MAP3K7CL: variants seen among roughly 807,000 people sequenced by gnomAD.
MAP3K7CL encodes the protein MAP3K7 C-terminal-like protein.
MAP3K7CL carries 16 observed loss-of-function variants against 18.6 expected under a neutral mutation model. The ratio of observed to expected loss-of-function variants is 0.86; its 90% confidence interval spans 0.58 to 1.31. The LOEUF (loss-of-function observed/expected upper bound fraction) is 1.31. Ranked by LOEUF, MAP3K7CL falls within the 50% of genes most tolerant of loss-of-function variation. The pLI, the probability that MAP3K7CL is intolerant of heterozygous loss-of-function variation, is 0.00. For missense variants in MAP3K7CL, 163 were observed against 174.4 expected (o/e 0.93, Z 0.37); for synonymous variants, 65 against 66.8 (o/e 0.97, Z 0.13).
At chr21:29,109,295 C>A in intron 4 of MAP3K7CL, 1 of 1,477,468 alleles carries the variant, frequency 6.8e-7, no homozygotes, top group Non-Finnish European at 9.0e-7. Flanking sequence ...TATTTTGTGC[C>A]CATTTAATTA....
At chr21:29,129,935 T>A (rs566385629), upstream of MAP3K7CL, among the ~76,000 whole-genome samples, 6 of 152,376 alleles carry the variant, frequency 3.9e-5, no homozygotes, top group East Asian at 9.6e-4. Flanking sequence ...ATATGCTTAC[T>A]TGCCATCTGT....
intron 2 of MAP3K7CL, among the ~76,000 whole-genome samples, chr21:29,143,266 G>A (rs775852534): frequency 3.3e-5 from 5 of 152,266 alleles, no homozygotes; most frequent in Non-Finnish European, 5.9e-5. Flanking sequence ...TGCCCATGAA[G>A]CCAGCTGTAA....
chr21:29,108,886 C>T (rs2832180), intron 4 of MAP3K7CL, among the ~76,000 whole-genome samples: 12,603 of 152,208 alleles, frequency 0.083, 681 homozygotes, highest in Non-Finnish European at 0.12. Flanking sequence ...AATAATTTTG[C>T]AGTGTTCAGT....
intron 4 of MAP3K7CL, among the ~76,000 whole-genome samples, chr21:29,165,514 C>A (rs1277982424): frequency 3.3e-5 from 5 of 151,996 alleles, no homozygotes; most frequent in Non-Finnish European, 7.4e-5. Context: ...CCCCAAAGTC[C>A]ATTGTATTAT....
At chr21:29,083,852 ATG>A (rs3054216), upstream of MAP3K7CL, among the ~76,000 whole-genome samples, 9 of 149,686 alleles carry the variant, frequency 6.0e-5, no homozygotes, top group East Asian at 7.8e-4. Flanking sequence ...GTGTGTATAT[ATG>A]TGTGTGTGTG....
intron 4 of MAP3K7CL, among the ~76,000 whole-genome samples, chr21:29,164,160 A>G (rs1197926530): frequency 2.0e-5 from 3 of 151,832 alleles, no homozygotes; most frequent in Non-Finnish European, 2.9e-5. Flanking sequence ...AATATCTTAT[A>G]TTTATAAATA....
intron 3 of MAP3K7CL, among the ~76,000 whole-genome samples, chr21:29,155,373 A>C (rs1483605296): frequency 3.9e-5 from 6 of 152,164 alleles, no homozygotes; most frequent in Non-Finnish European, 8.8e-5. Context: ...TTAAATTCTG[A>C]CATTTTTGAA....
chr21:29,107,435 GT>G (rs1568939678), intron 4 of MAP3K7CL, among the ~76,000 whole-genome samples: 1 of 152,184 alleles, frequency 6.6e-6, no homozygotes, highest in Admixed American at 6.5e-5. Flanking sequence ...CCAAACAAGA[GT>G]GATTTCCCTT....
At chr21:29,078,155 T>C (rs965118022) in intron 1 of MAP3K7CL, among the ~76,000 whole-genome samples, 2 of 152,212 alleles carry the variant, frequency 1.3e-5, no homozygotes, top group Non-Finnish European at 2.9e-5. Flanking sequence ...GACTTTTCTT[T>C]TTCTGCCTCC....
chr21:29,124,037 A>C (rs78218051), intron 4 of MAP3K7CL, among the ~76,000 whole-genome samples: 2 of 152,268 alleles, frequency 1.3e-5, no homozygotes, highest in African/African-American at 4.8e-5. Flanking sequence ...TTTCTCCAAG[A>C]GTCTGCTGTC....
intron 4 of MAP3K7CL, among the ~76,000 whole-genome samples, chr21:29,098,232 A>G (rs1159452835): frequency 6.6e-6 from 1 of 152,132 alleles, no homozygotes; most frequent in Non-Finnish European, 1.5e-5. Flanking sequence ...GCTAAATAAA[A>G]TTTTTAAGAG....
intron 2 of MAP3K7CL, among the ~76,000 whole-genome samples, chr21:29,148,526 C>T (rs992507207): frequency 3.3e-5 from 5 of 152,192 alleles, no homozygotes; most frequent in African/African-American, 1.2e-4. Context: ...CTATTGCCAA[C>T]CAGTCAACGT....
intron 3 of MAP3K7CL, among the ~76,000 whole-genome samples, chr21:29,157,554 T>C (rs2087436465): frequency 6.6e-6 from 1 of 152,216 alleles, no homozygotes. Flanking sequence ...TTGTCCCTTC[T>C]TTATGATGGG....
chr21:29,141,955 AAAAAT>A (rs1313809839), intron 2 of MAP3K7CL, among the ~76,000 whole-genome samples: 1 of 152,146 alleles, frequency 6.6e-6, no homozygotes, highest in African/African-American at 2.4e-5. Flanking sequence ...TTTTATTCCT[AAAAAT>A]AAAATATTAA....
At chr21:29,097,853 C>G (rs1156612082) in intron 4 of MAP3K7CL, among the ~76,000 whole-genome samples, 1 of 152,002 alleles carries the variant, frequency 6.6e-6, no homozygotes, top group Non-Finnish European at 1.5e-5. Context: ...TTAACATAAA[C>G]TGGTTGAACA....
At chr21:29,100,004 A>G (rs1300499138) in intron 4 of MAP3K7CL, among the ~76,000 whole-genome samples, 2 of 151,184 alleles carry the variant, frequency 1.3e-5, no homozygotes, top group Non-Finnish European at 2.9e-5. Flanking sequence ...AATGGCGTGA[A>G]CCTGGGAGGC....
chr21:29,112,655 C>T (rs1312393030), intron 4 of MAP3K7CL, among the ~76,000 whole-genome samples: 1 of 151,780 alleles, frequency 6.6e-6, no homozygotes, highest in African/African-American at 2.4e-5. Flanking sequence ...GTGTTCCCTT[C>T]CTGTCTCTCA....
At chr21:29,079,921 T>G (rs1336596395) in intron 1 of MAP3K7CL, among the ~76,000 whole-genome samples, 1 of 152,226 alleles carries the variant, frequency 6.6e-6, no homozygotes, top group East Asian at 1.9e-4. Context: ...ATTGATTCTT[T>G]TCTTAGTTTA....
chr21:29,136,601 C>A (rs1428862006), intron 2 of MAP3K7CL, among the ~76,000 whole-genome samples: 1 of 151,764 alleles, frequency 6.6e-6, no homozygotes, highest in Non-Finnish European at 1.5e-5. Flanking sequence ...ATTGGCTCAC[C>A]GCGACCTCCG....
Sources: gnomAD v4.1 joint callset for allele counts (sites outside exome capture counted in the v4.1 genomes callset) on GRCh38, gnomAD v4.1.1 for gene constraint, MANE v1.5 for transcripts, NCBI Gene and HGNC (gene_info 2026-07-23, HGNC 2026-07-21) for gene names.